SPG7: variants seen among roughly 807,000 people sequenced by gnomAD.
The protein encoded by SPG7 is SPG7 matrix AAA peptidase subunit, paraplegin.
SPG7 carries 103 observed loss-of-function variants against 81.9 expected under a neutral mutation model. The ratio of observed to expected loss-of-function variants is 1.26; its 90% CI spans 1.07 to 1.48. The LOEUF (loss-of-function observed/expected upper bound fraction) is 1.48. Among genes scored for constraint, SPG7 ranks in the 40% most tolerant of loss-of-function variants. The pLI, the probability that SPG7 is intolerant of heterozygous loss-of-function variation, is 0.00. For synonymous variants in SPG7, 534 were observed against 444.2 expected, an observed-to-expected ratio of 1.20 and a Z score of -2.54; for missense variants, 1,241 against 1,087.3, an observed-to-expected ratio of 1.14 and a Z score of -1.99.
chr16:89,533,809 A>G (rs1295720204), intron 9 of SPG7: 2 of 151,896 alleles, frequency 1.3e-5, no homozygotes, highest in African/African-American at 4.8e-5. Flanking sequence ...TTGCAAGATT[A>G]TTATTATTTT....
At chr16:89,522,198 T>C (rs1231034162) in intron 3 of SPG7, 7 of 152,262 alleles carry the variant, frequency 4.6e-5, no homozygotes, top group Non-Finnish European at 1.0e-4. Flanking sequence ...ATCTAAAATA[T>C]ACCTTCATGT....
At position 89,527,122 on chromosome 16, in the gene SPG7, C is replaced by G. The variant is rs148543950; in HGVS notation, c.758+654C>G. 67 of 161,988 alleles carry G rather than the reference C, an allele frequency of 4.1e-4. 1 individual carries two copies. The highest frequency in any genetic ancestry group is 1.4e-3 in the African/African-American group (57 of 41,618). The allele number at this position is 161,988 out of a possible 1,614,324, so 10.0% of individuals were successfully genotyped here. ...AAATACTATTTCAATCGTTGTTATA[C>G]TTTAGGGAATAATGACAAAAATGTG... On this transcript the variant is annotated intron_variant, in intron 5 of 16. Coordinates refer to ENST00000645818, the MANE Select transcript of SPG7 (RefSeq NM_003119.4).
chr16:89,547,788 T>C lies in SPG7; in HGVS notation c.1553-215T>C, dbSNP rs989315746. The C allele has an allele frequency of 1.3e-5, 7 of 519,628 alleles. No homozygotes were observed. The African/African-American group carries it at 1.4e-4, about 10-fold the overall frequency. The allele number at this position is 519,628 out of a possible 1,614,324, so 32.2% of individuals were successfully genotyped here. ...CCACCACGCCCGGCTAATTTTTGTA[T>C]TTTTAGTAGCAATAGGGTTTCACCC... On this transcript the variant is annotated intron_variant, in intron 11 of 16. Transcript: ENST00000645818.
At chr16:89,547,321 A>G in intron 11 of SPG7, 1 of 184,558 alleles carries the variant, frequency 5.4e-6, no homozygotes, top group African/African-American at 2.4e-5. Context: ...AATGCTCATG[A>G]GCTGTTAGGT....
chr16:89,524,353 G>T (rs1480867612), intron 4 of SPG7, 106 bp downstream of exon 4: 1 of 1,324,550 alleles, frequency 7.5e-7, no homozygotes, highest in Non-Finnish European at 1.0e-6. Context: ...GGCGCTGGCT[G>T]TTGCCATCCT....
chr16:89,551,899 A>T (rs996606645), intron 13 of SPG7: 2 of 152,202 alleles, frequency 1.3e-5, no homozygotes, highest in African/African-American at 4.8e-5. Context: ...TCAAAGGGAA[A>T]AAAAAAGAAT....
chr16:89,548,710 G>A (rs911656000), intron 12 of SPG7: 3 of 351,164 alleles, frequency 8.5e-6, no homozygotes, highest in African/African-American at 2.1e-5. Flanking sequence ...GGTCTGCGAC[G>A]TCTGTGAGGA....
intron 4 of SPG7, 124 bp from the exon 5 acceptor site, chr16:89,526,205 T>A: frequency 9.1e-7 from 1 of 1,104,256 alleles, no homozygotes; most frequent in Admixed American, 1.7e-5. Flanking sequence ...AGTTTCTGAA[T>A]GGTGTCCTCT....
Position 89,544,638 on chromosome 16 carries a change from GT to G in SPG7, c.1325-9del, listed in dbSNP as rs946849503. The G allele has an allele frequency of 6.2e-7, 1 of 1,613,792 alleles. No homozygotes were observed. Among genetic ancestry groups the G allele is most frequent in the African/African-American group, 1.3e-5 (1 of 74,902 alleles). On this transcript the variant is annotated splice_polypyrimidine_tract_variant and intron_variant, in intron 9 of 16. Coordinates refer to ENST00000645818, the MANE Select transcript of SPG7 (RefSeq NM_003119.4). Reference sequence around the variant, plus strand: ...TACCCTCAGAGCCACTGTCTGCTCTGTCCCCTCAGGAATGGGTACCACAGAC... The same window carrying G: ...TACCCTCAGAGCCACTGTCTGCTCTGCCCCTCAGGAATGGGTACCACAGAC...
At chr16:89,545,278 T>C (rs1284307190) in intron 10 of SPG7, 1 of 256,348 alleles carries the variant, frequency 3.9e-6, no homozygotes, top group East Asian at 1.0e-4. Context: ...GTCACAGGGC[T>C]CTGGTTGGAC....
intron 15 of SPG7, 83 bp downstream of exon 15, chr16:89,554,043 G>T (rs181261307): frequency 2.0e-6 from 3 of 1,497,496 alleles, no homozygotes; most frequent in African/African-American, 1.4e-5. Context: ...GGTCGCCCAC[G>T]GCCGCCCCAG....
chr16:89,515,865 G>A (rs990096967), intron 3 of SPG7, among the ~76,000 whole-genome samples: 14 of 151,660 alleles, frequency 9.2e-5, no homozygotes, highest in Non-Finnish European at 1.5e-4. Context: ...GCGCCACCAC[G>A]CCCAGCTAAT....
At chr16:89,524,577 G>A (rs1421607711) in intron 4 of SPG7, among the ~76,000 whole-genome samples, 1 of 152,172 alleles carries the variant, frequency 6.6e-6, no homozygotes, top group African/African-American at 2.4e-5. Context: ...CCGGGTAGCT[G>A]GGATTACAGG....
At chr16:89,548,921 G>C in intron 12 of SPG7, 1 of 454,042 alleles carries the variant, frequency 2.2e-6, no homozygotes, top group Non-Finnish European at 4.4e-6. Context: ...ATCCCTGCGA[G>C]AACCGAGTTC....
At chr16:89,515,543 A>G (rs1054457001) in intron 3 of SPG7, among the ~76,000 whole-genome samples, 37 of 150,478 alleles carry the variant, frequency 2.5e-4, no homozygotes, top group Admixed American at 2.0e-4. Context: ...CTGGGATTAC[A>G]GGTGTGAGCC....
chr16:89,538,729 C>T (rs1355059968), intron 9 of SPG7: 1 of 152,448 alleles, frequency 6.6e-6, no homozygotes, highest in African/African-American at 2.4e-5. Flanking sequence ...CTCTGCCTGC[C>T]CTGCCGTCTT....
chr16:89,510,628 T>A, intron 2 of SPG7, 36 bp downstream of exon 2: 1 of 1,278,686 alleles, frequency 7.8e-7, no homozygotes, highest in Non-Finnish European at 1.1e-6. Flanking sequence ...TGAGCATGAC[T>A]GCACACTTAC....
intron 4 of SPG7, among the ~76,000 whole-genome samples, chr16:89,525,575 C>CGACT (rs2058249184): frequency 6.6e-6 from 1 of 152,128 alleles, no homozygotes; most frequent in African/African-American, 2.4e-5. Context: ...AAGAGAGTCC[C>CGACT]GCAAGTCCGT....
chr16:89,515,712 A>G (rs191173109), intron 3 of SPG7, among the ~76,000 whole-genome samples: 5 of 145,938 alleles, frequency 3.4e-5, no homozygotes, highest in African/African-American at 1.3e-4. Context: ...TATTATTATT[A>G]TTATTTTTTT....
Sources: allele counts gnomAD v4.1 joint callset (sites outside exome capture counted in the v4.1 genomes callset), GRCh38; gene constraint gnomAD v4.1.1; transcripts MANE v1.5; gene names NCBI Gene and HGNC (gene_info 2026-07-23, HGNC 2026-07-21).